NDUFS4: variants seen among roughly 807,000 people sequenced by gnomAD.
NDUFS4 encodes NADH dehydrogenase [ubiquinone] iron-sulfur protein 4, mitochondrial.
A neutral mutation model predicts 24.3 loss-of-function variants in NDUFS4; 28 were observed. The observed-to-expected ratio is 1.15, with a 90% confidence interval of 0.85 to 1.58. The LOEUF (loss-of-function observed/expected upper bound fraction) is 1.58. NDUFS4 is among the 40% of genes most tolerant of loss of function. The probability of loss-of-function intolerance (pLI) is 0.00; values close to 1 mark genes in which losing one functional copy is unlikely to be tolerated. For missense variants in NDUFS4, 223 were observed against 207.9 expected (o/e 1.07, Z -0.45); for synonymous variants, 93 against 69.7 (o/e 1.34, Z -1.67).
At chr5:53,677,399 AT>A (rs1234600723) in intron 4 of NDUFS4, among the ~76,000 whole-genome samples, 1 of 151,972 alleles carries the variant, frequency 6.6e-6, no homozygotes, top group Non-Finnish European at 1.5e-5. Context: ...CTTTATATAA[AT>A]TTCATGGAAA....
chr5:53,595,158 T>C (rs998499426), intron 1 of NDUFS4, among the ~76,000 whole-genome samples: 1 of 152,188 alleles, frequency 6.6e-6, no homozygotes, highest in Admixed American at 6.5e-5. Flanking sequence ...CATATACAGG[T>C]ATTTTAATTA....
intron 4 of NDUFS4, among the ~76,000 whole-genome samples, chr5:53,676,876 C>T (rs940073256): frequency 2.0e-5 from 3 of 152,048 alleles, no homozygotes; most frequent in Non-Finnish European, 4.4e-5. Context: ...TTTTTCCTCC[C>T]AATGTTTAAT....
At chr5:53,621,952 G>T (rs7716949) in intron 2 of NDUFS4, among the ~76,000 whole-genome samples, 24,252 of 151,538 alleles carry the variant, frequency 0.16, 1,917 homozygotes, top group Middle Eastern at 0.18. Flanking sequence ...TGCCCGTCTC[G>T]GCCTCCCAAA....
intron 4 of NDUFS4, among the ~76,000 whole-genome samples, chr5:53,668,892 ACT>A (rs1187974236): frequency 1.3e-5 from 2 of 152,166 alleles, no homozygotes; most frequent in African/African-American, 2.4e-5. Context: ...TCATTTAGTA[ACT>A]CTGTGAAGCA....
chr5:53,613,399 T>C (rs1171066110), intron 2 of NDUFS4, among the ~76,000 whole-genome samples: 11 of 151,994 alleles, frequency 7.2e-5, no homozygotes, highest in African/African-American at 1.7e-4. Flanking sequence ...ATAGCAGCCT[T>C]TGAGAACCTA....
chr5:53,653,122 A>T (rs1023980263), intron 3 of NDUFS4, among the ~76,000 whole-genome samples: 1 of 152,020 alleles, frequency 6.6e-6, no homozygotes, highest in African/African-American at 2.4e-5. Context: ...TGTTAATCAC[A>T]TTCTGAAAAT....
At chr5:53,580,467 A>G (rs1382631929) in intron 1 of NDUFS4, among the ~76,000 whole-genome samples, 1 of 152,164 alleles carries the variant, frequency 6.6e-6, no homozygotes, top group Admixed American at 6.5e-5. Flanking sequence ...GTTGTTGCCT[A>G]ACACTGACTT....
chr5:53,611,802 T>C (rs527902755), intron 2 of NDUFS4, among the ~76,000 whole-genome samples: 10 of 152,164 alleles, frequency 6.6e-5, no homozygotes, highest in Non-Finnish European at 1.3e-4. Context: ...CTCAGTCTCC[T>C]TTCAGGACAT....
intron 2 of NDUFS4, among the ~76,000 whole-genome samples, chr5:53,622,815 A>T (rs1579886275): frequency 6.6e-6 from 1 of 152,226 alleles, no homozygotes; most frequent in African/African-American, 2.4e-5. Flanking sequence ...TTAAGTAATC[A>T]TCACCACTAT....
At chr5:53,573,621 C>T (rs1165783876) in intron 1 of NDUFS4, 1 of 451,830 alleles carries the variant, frequency 2.2e-6, no homozygotes, top group Non-Finnish European at 4.4e-6. Flanking sequence ...CAGGGCCTTG[C>T]TCTGTCATCC....
In NDUFS4 at chr5:53,603,436, A is replaced by C; in HGVS notation, c.99-16A>C. ...ATTGCCTGGATCCTTTTTTAACTTA[A>C]AGTCTTGCACTGCAGGTCGTTGAGG... On this transcript the variant is annotated splice_polypyrimidine_tract_variant and intron_variant, in intron 1 of 4. Transcript: ENST00000296684. 6.2e-7 allele frequency: 1 copy of C among 1,607,166 alleles called. No homozygotes were observed. The highest frequency in any genetic ancestry group is 2.2e-5 in the East Asian group (1 of 44,772).
At chr5:53,578,298 T>TTTA (rs1749450928) in intron 1 of NDUFS4, among the ~76,000 whole-genome samples, 1 of 152,240 alleles carries the variant, frequency 6.6e-6, no homozygotes, top group Non-Finnish European at 1.5e-5. Context: ...ATTTTGGTTC[T>TTTA]AGATTTAGTT....
intron 4 of NDUFS4, among the ~76,000 whole-genome samples, chr5:53,659,346 A>G (rs533836113): frequency 1.3e-5 from 2 of 152,156 alleles, no homozygotes; most frequent in Non-Finnish European, 2.9e-5. Flanking sequence ...ATGGATTCTA[A>G]TCTTGGTTAT....
chr5:53,662,296 C>T (rs376493672), intron 4 of NDUFS4, among the ~76,000 whole-genome samples: 6 of 151,934 alleles, frequency 3.9e-5, no homozygotes, highest in Admixed American at 6.6e-5. Flanking sequence ...TGCTGGATTA[C>T]GTTTATTTTG....
At chr5:53,607,158 G>A (rs911097038) in intron 2 of NDUFS4, among the ~76,000 whole-genome samples, 7 of 152,080 alleles carry the variant, frequency 4.6e-5, no homozygotes, top group African/African-American at 1.7e-4. Context: ...ATTATCTTTG[G>A]TACATGGCAG....
intron 2 of NDUFS4, among the ~76,000 whole-genome samples, chr5:53,635,216 C>CATAAAT (rs1751515070): frequency 7.3e-6 from 1 of 136,954 alleles, no homozygotes; most frequent in Non-Finnish European, 1.6e-5. Flanking sequence ...AATAAATAAC[C>CATAAAT]AACCAACCAA....
intron 2 of NDUFS4, among the ~76,000 whole-genome samples, chr5:53,629,240 G>C (rs931369187): frequency 2.6e-5 from 4 of 152,174 alleles, no homozygotes; most frequent in Admixed American, 1.3e-4. Flanking sequence ...TATGGTCTGA[G>C]AGACAGTTTC....
At chr5:53,588,305 C>T (rs185247440) in intron 1 of NDUFS4, among the ~76,000 whole-genome samples, 156 of 152,276 alleles carry the variant, frequency 1.0e-3, no homozygotes, top group African/African-American at 3.6e-3. Context: ...TCTTGCCTTC[C>T]TATGAATTGG....
chr5:53,561,059 T>C (rs949555442), intron 1 of NDUFS4, among the ~76,000 whole-genome samples: 5 of 152,144 alleles, frequency 3.3e-5, no homozygotes, highest in South Asian at 2.1e-4. Context: ...AGCTGAACCT[T>C]AGCCCTCAGA....
Sources: gnomAD v4.1 joint callset for allele counts (sites outside exome capture counted in the v4.1 genomes callset) on GRCh38, gnomAD v4.1.1 for gene constraint, MANE v1.5 for transcripts, NCBI Gene and HGNC (gene_info 2026-07-23, HGNC 2026-07-21) for gene names.